The following DOK6 variants were observed in gnomAD, a reference collection of about 807,000 sequenced individuals.
DOK6 encodes downstream of tyrosine kinase 6.
In DOK6, 22 loss-of-function variants were observed where a neutral mutation model predicts 44.0. That is an observed-to-expected ratio of 0.50 (90% confidence interval 0.36 to 0.71). The LOEUF (loss-of-function observed/expected upper bound fraction) is 0.71. Ranked by LOEUF, DOK6 falls within the 30% of genes least tolerant of loss-of-function variation. The pLI, the probability that DOK6 is intolerant of heterozygous loss-of-function variation, is 0.00. For synonymous variants in DOK6, 166 were observed against 145.5 expected (o/e 1.14, Z -1.01); for missense variants, 340 against 416.4 (o/e 0.82, Z 1.60).
intron 1 of DOK6, among the ~76,000 whole-genome samples, chr18:69,550,032 T>A (rs1417872787): frequency 6.6e-6 from 1 of 151,198 alleles, no homozygotes; most frequent in Non-Finnish European, 1.5e-5. Flanking sequence ...ATTAAGTTTA[T>A]AAAGTGTAAT....
At chr18:69,512,332 C>CTTCTTCTTTTTTTTTTTTTT (rs59109570) in intron 1 of DOK6, among the ~76,000 whole-genome samples, 11 of 91,688 alleles carry the variant, frequency 1.2e-4, no homozygotes, top group African/African-American at 4.7e-4. Context: ...CTTTCTTCTT[C>CTTCTTCTTTTTTTTTTTTTT]TTTTTTTTTT....
intron 1 of DOK6, among the ~76,000 whole-genome samples, chr18:69,437,893 G>T (rs1420483893): frequency 2.0e-5 from 3 of 152,174 alleles, no homozygotes; most frequent in African/African-American, 7.2e-5. Context: ...TAAAAGTCAT[G>T]TTCACACTCT....
chr18:69,827,951 AT>A (rs1322951974), intron 7 of DOK6, among the ~76,000 whole-genome samples: 2 of 151,888 alleles, frequency 1.3e-5, no homozygotes, highest in Non-Finnish European at 2.9e-5. Flanking sequence ...ATAAACTTAC[AT>A]GTATTATTCT....
At position 69,832,451 on chromosome 18, in the gene DOK6, GA is replaced by G. The variant is rs1451352899; in HGVS notation, c.857-8791del. 2.0e-5 allele frequency: 3 copies of G among 151,892 alleles called. No individual in the cohort carries two copies. In the East Asian group the frequency reaches 5.8e-4, roughly 29 times the overall value. The allele number at this position is 151,892 out of a possible 1,614,324, so 9.4% of individuals were successfully genotyped here. ...TGCTACTATTTTGTTGAGAATTTTT[GA>G]ATCTATGTTCATCAGAGATATTGGC... On this transcript the variant is annotated intron_variant, in intron 7 of 7. Transcript: ENST00000382713.
At chr18:69,425,280 T>A (rs1026744730) in intron 1 of DOK6, among the ~76,000 whole-genome samples, 2 of 151,938 alleles carry the variant, frequency 1.3e-5, no homozygotes, top group South Asian at 4.1e-4. Flanking sequence ...TAATAATTTT[T>A]TCTTTTCCCA....
intron 5 of DOK6, among the ~76,000 whole-genome samples, chr18:69,701,526 G>A (rs1445775259): frequency 2.0e-5 from 3 of 152,136 alleles, no homozygotes; most frequent in Non-Finnish European, 2.9e-5. Context: ...TTTACTTCAT[G>A]TTACCTCATA....
intron 5 of DOK6, among the ~76,000 whole-genome samples, chr18:69,733,687 C>A (rs1489723973): frequency 6.6e-6 from 1 of 152,022 alleles, no homozygotes; most frequent in Non-Finnish European, 1.5e-5. Flanking sequence ...CATTAGCATG[C>A]TCTACATATT....
At chr18:69,694,089 A>AAAAAAAAAAAAAAT (rs1372739323) in intron 4 of DOK6, among the ~76,000 whole-genome samples, 50 of 144,300 alleles carry the variant, frequency 3.5e-4, no homozygotes, top group South Asian at 8.8e-4. Flanking sequence ...AAAAAAAAAA[A>AAAAAAAAAAAAAAT]ATTGATCTAT....
chr18:69,449,541 G>C (rs1979396223), intron 1 of DOK6, among the ~76,000 whole-genome samples: 1 of 152,314 alleles, frequency 6.6e-6, no homozygotes, highest in South Asian at 2.1e-4. Context: ...ATATAACCAT[G>C]TATGAAAATA....
chr18:69,691,574 T>C (rs1282657356), intron 4 of DOK6, among the ~76,000 whole-genome samples: 3 of 152,054 alleles, frequency 2.0e-5, no homozygotes, highest in Non-Finnish European at 4.4e-5. Context: ...GGGGAAGTAG[T>C]GGTTTCAGTT....
chr18:69,432,126 C>T (rs1220278077), intron 1 of DOK6, among the ~76,000 whole-genome samples: 2 of 152,140 alleles, frequency 1.3e-5, no homozygotes, highest in Admixed American at 1.3e-4. Context: ...GTTTTTTCCC[C>T]TAAAGATTAT....
At chr18:69,807,341 G>A (rs1048389476) in intron 7 of DOK6, among the ~76,000 whole-genome samples, 2 of 151,874 alleles carry the variant, frequency 1.3e-5, no homozygotes, top group African/African-American at 4.8e-5. Context: ...GGAGAGAATC[G>A]TTTAATCACA....
At chr18:69,815,472 G>A (rs1981371943) in intron 7 of DOK6, among the ~76,000 whole-genome samples, 1 of 152,146 alleles carries the variant, frequency 6.6e-6, no homozygotes, top group Non-Finnish European at 1.5e-5. Context: ...TTGGGACTAC[G>A]AATAAGGTTA....
chr18:69,510,344 CACTT>C (rs1981331225), intron 1 of DOK6, among the ~76,000 whole-genome samples: 1 of 152,150 alleles, frequency 6.6e-6, no homozygotes, highest in Admixed American at 6.5e-5. Context: ...CATCTTCAAT[CACTT>C]ACCAGGGTAT....
At chr18:69,483,421 G>T (rs1980486305) in intron 1 of DOK6, among the ~76,000 whole-genome samples, 2 of 152,014 alleles carry the variant, frequency 1.3e-5, no homozygotes, top group Admixed American at 6.6e-5. Context: ...ATACAGTGAT[G>T]TTATTAGATG....
At chr18:69,836,289 G>T (rs10513981) in intron 7 of DOK6, among the ~76,000 whole-genome samples, 14,999 of 152,134 alleles carry the variant, frequency 0.099, 837 homozygotes, top group Middle Eastern at 0.14. Flanking sequence ...TTGAGTTCCT[G>T]GAATTAGAGA....
Position 69,763,209 on chromosome 18 carries a change from A to C in DOK6, c.856+5336A>C, listed in dbSNP as rs1241414197. ...AGTACTTGGCAGCCACTGTTTAAAA[A>C]TCTCTGTCCGTAAGTGGTTTGTAGC... On this transcript the variant is annotated intron_variant, in intron 7 of 7. Coordinates refer to ENST00000382713, the MANE Select transcript of DOK6 (RefSeq NM_152721.6). 2.6e-5 allele frequency among the ~76,000 whole-genome samples: 4 copies of C among 152,144 alleles called. No homozygotes were observed. In the East Asian group the frequency reaches 7.7e-4, roughly 29 times the overall value.
At chr18:69,408,079 T>G (rs1227663855) in intron 1 of DOK6, among the ~76,000 whole-genome samples, 1 of 152,044 alleles carries the variant, frequency 6.6e-6, no homozygotes, top group Admixed American at 6.6e-5. Flanking sequence ...TCAGCTGGAG[T>G]TATTGAGACA....
In DOK6 at chr18:69,625,296, A is replaced by C. The variant is rs144341732; in HGVS notation, c.289+25798A>C. On this transcript the variant is annotated intron_variant, in intron 3 of 7. Coordinates refer to ENST00000382713, the MANE Select transcript of DOK6 (RefSeq NM_152721.6). The stretch of plus-strand genomic sequence containing the variant: ...TAACACCCTAAGAGGAGCATGTTTT[A>C]TGGCCAGAGAGTAATTTGTTATAGA... 3.0e-3 allele frequency among the ~76,000 whole-genome samples: 459 copies of C among 152,210 alleles called. 1 individual carries two copies. Among genetic ancestry groups the C allele is most frequent in the African/African-American group, 9.8e-3 (407 of 41,554 alleles).
Sources: allele counts gnomAD v4.1 joint callset (sites outside exome capture counted in the v4.1 genomes callset), GRCh38; gene constraint gnomAD v4.1.1; transcripts MANE v1.5; gene names NCBI Gene and HGNC (gene_info 2026-07-23, HGNC 2026-07-21).